TMEM117: variants seen among roughly 807,000 people sequenced by gnomAD.
The protein encoded by TMEM117 is transmembrane protein 117.
Under a neutral mutation model 52.4 loss-of-function variants are expected in TMEM117, and 27 were observed. The ratio of observed to expected loss-of-function variants is 0.51; its 90% CI spans 0.38 to 0.71. The LOEUF (loss-of-function observed/expected upper bound fraction) is 0.71, where lower values mean the gene tolerates loss of function less well. TMEM117 is among the 30% of genes least tolerant of loss of function. TMEM117 has a pLI of 0.00. For missense variants in TMEM117, 556 were observed against 630.5 expected (o/e 0.88, Z 1.26); for synonymous variants, 215 against 206.3 (o/e 1.04, Z -0.36).
chr12:43,852,037 G>A (rs918821618), intron 2 of TMEM117, among the ~76,000 whole-genome samples: 7 of 150,896 alleles, frequency 4.6e-5, no homozygotes, highest in South Asian at 2.1e-4. Context: ...GGTGGCTCAC[G>A]TCTGTAATCC....
At chr12:44,335,911 G>T (rs1328275967) in intron 6 of TMEM117, among the ~76,000 whole-genome samples, 3 of 151,990 alleles carry the variant, frequency 2.0e-5, no homozygotes, top group Admixed American at 2.0e-4. Flanking sequence ...TCTAAAGGGG[G>T]AAATGTTTGA....
At chr12:44,350,633 C>T (rs1330431123) in intron 6 of TMEM117, among the ~76,000 whole-genome samples, 1 of 151,900 alleles carries the variant, frequency 6.6e-6, no homozygotes, top group African/African-American at 2.4e-5. Context: ...TCTTACTGTG[C>T]CTGGCTTATT....
At chr12:44,091,746 G>T (rs780663073) in intron 3 of TMEM117, among the ~76,000 whole-genome samples, 20 of 152,208 alleles carry the variant, frequency 1.3e-4, no homozygotes, top group Non-Finnish European at 1.8e-4. Context: ...CAGTATTCTA[G>T]ATGTTATATT....
At chr12:43,804,662 A>G in the TMEM117 span, 5 of 859,972 alleles carry the variant, frequency 5.8e-6, no homozygotes, top group Non-Finnish European at 9.0e-6. Flanking sequence ...GAATACAAAG[A>G]AAAAATCTGG....
At chr12:43,798,619 C>T in the TMEM117 span, 7 of 1,466,962 alleles carry the variant, frequency 4.8e-6, no homozygotes, top group South Asian at 5.3e-5. Context: ...CTATCAAACT[C>T]GTAAAAAAAA....
At chr12:44,049,476 A>G (rs1326086815) in intron 3 of TMEM117, among the ~76,000 whole-genome samples, 1 of 151,806 alleles carries the variant, frequency 6.6e-6, no homozygotes. Flanking sequence ...GCAGACCACC[A>G]TGGCACAGGT....
At chr12:44,145,895 C>T (rs528045481) in intron 4 of TMEM117, among the ~76,000 whole-genome samples, 126 of 152,314 alleles carry the variant, frequency 8.3e-4, no homozygotes, top group Non-Finnish European at 1.5e-3. Context: ...TTACATAAAT[C>T]ATTTTCTTTT....
chr12:44,200,005 C>T (rs1019640231), intron 4 of TMEM117, among the ~76,000 whole-genome samples: 2 of 152,112 alleles, frequency 1.3e-5, no homozygotes, highest in Non-Finnish European at 2.9e-5. Context: ...GTAATCCCAG[C>T]TACACAGGAG....
intron 6 of TMEM117, among the ~76,000 whole-genome samples, chr12:44,350,852 C>A (rs1951552772): frequency 6.6e-6 from 1 of 151,990 alleles, no homozygotes; most frequent in Non-Finnish European, 1.5e-5. Context: ...CTTTGATATA[C>A]TGATTTCCTT....
At chr12:44,038,127 C>T (rs567468575) in intron 3 of TMEM117, among the ~76,000 whole-genome samples, 1 of 152,232 alleles carries the variant, frequency 6.6e-6, no homozygotes, top group South Asian at 2.1e-4. Flanking sequence ...TCAGGACCTG[C>T]CAAATGGTGG....
chr12:44,322,010 AT>A, intron 6 of TMEM117, among the ~76,000 whole-genome samples: 1 of 152,170 alleles, frequency 6.6e-6, no homozygotes, highest in Non-Finnish European at 1.5e-5. Flanking sequence ...ATAAAATGAG[AT>A]TTTTTTCTAA....
At chr12:43,942,526 C>T (rs1334434577) in intron 2 of TMEM117, among the ~76,000 whole-genome samples, 2 of 152,058 alleles carry the variant, frequency 1.3e-5, no homozygotes, top group Non-Finnish European at 2.9e-5. Context: ...TTTAGTTATA[C>T]AGTCACATTC....
chr12:44,062,525 A>G (rs900934163), intron 3 of TMEM117, among the ~76,000 whole-genome samples: 1 of 152,194 alleles, frequency 6.6e-6, no homozygotes, highest in Non-Finnish European at 1.5e-5. Flanking sequence ...TTTTCCCATT[A>G]ACTGGTTTAG....
intron 3 of TMEM117, among the ~76,000 whole-genome samples, chr12:44,052,732 C>T (rs532096769): frequency 6.6e-6 from 1 of 152,268 alleles, no homozygotes; most frequent in South Asian, 2.1e-4. Context: ...TGCCCTTTGC[C>T]CCACACATTG....
At chr12:44,131,158 G>A (rs73094803) in intron 3 of TMEM117, among the ~76,000 whole-genome samples, 18,749 of 151,984 alleles carry the variant, frequency 0.12, 1,380 homozygotes, top group Middle Eastern at 0.2. Flanking sequence ...AAAATTAAAA[G>A]TTTAAGCATG....
At chr12:43,950,354 G>A (rs1335686967) in intron 3 of TMEM117, among the ~76,000 whole-genome samples, 1 of 152,030 alleles carries the variant, frequency 6.6e-6, no homozygotes, top group Admixed American at 6.6e-5. Context: ...AACACAAGCT[G>A]TTGATTGGCT....
chr12:44,138,669 A>T (rs1381674434), intron 3 of TMEM117, among the ~76,000 whole-genome samples: 2 of 152,204 alleles, frequency 1.3e-5, no homozygotes, highest in African/African-American at 4.8e-5. Flanking sequence ...TACAGGCTAC[A>T]GCTAACAATT....
At chr12:44,181,708 T>G (rs1234422450) in intron 4 of TMEM117, among the ~76,000 whole-genome samples, 1 of 151,684 alleles carries the variant, frequency 6.6e-6, no homozygotes, top group African/African-American at 2.4e-5. Context: ...GTTCCATTGA[T>G]CTATATCTCT....
chr12:44,367,542 G>A (rs1951805364), intron 6 of TMEM117, among the ~76,000 whole-genome samples: 1 of 152,002 alleles, frequency 6.6e-6, no homozygotes, highest in South Asian at 2.1e-4. Flanking sequence ...GAGTGCCTCA[G>A]TCAGTCCCTG....
Sources: allele counts gnomAD v4.1 joint callset (sites outside exome capture counted in the v4.1 genomes callset), GRCh38; gene constraint gnomAD v4.1.1; transcripts MANE v1.5; gene names NCBI Gene and HGNC (gene_info 2026-07-23, HGNC 2026-07-21).